ANKRD26: variants seen among roughly 807,000 people sequenced by gnomAD.
The protein encoded by ANKRD26 is ankyrin repeat domain 26.
In ANKRD26, 141 loss-of-function variants were observed where a neutral mutation model predicts 208.7. The ratio of observed to expected loss-of-function variants is 0.68; its 90% CI spans 0.59 to 0.78. ANKRD26 has a LOEUF of 0.78. Among genes scored for constraint, ANKRD26 ranks in the 30% least tolerant of loss-of-function variants. ANKRD26 has a pLI of 0.00. For synonymous variants in ANKRD26, 636 were observed against 660.4 expected, an observed-to-expected ratio of 0.96 and a Z score of 0.57; for missense variants, 1,889 against 1,938.7, an observed-to-expected ratio of 0.97 and a Z score of 0.48.
intron 5 of ANKRD26, among the ~76,000 whole-genome samples, chr10:26,979,074 T>C (rs141867147): frequency 3.6e-4 from 55 of 152,048 alleles, no homozygotes; most frequent in Middle Eastern, 3.4e-3. Flanking sequence ...TACAAAAAAT[T>C]AGCCAGCATG....
chr10:27,038,146 C>A lies in ANKRD26; in HGVS notation c.2376-92G>T, dbSNP rs1397528191. On this transcript the variant is annotated intron_variant, in intron 21 of 33. Coordinates refer to ENST00000376087, the MANE Select transcript of ANKRD26 (RefSeq NM_014915.3). ...GCCGCTTTGTATGTTGGTTTATTAC[C>A]CTAATACAATTTCTATGTTCTTGAA... is the stretch of plus-strand genomic sequence containing the variant. 7.1e-6 allele frequency: 7 copies of A among 986,766 alleles called. No individual in the cohort carries two copies. In the African/African-American group the frequency reaches 1.2e-4, roughly 16 times the overall value. 61.1% of individuals were successfully genotyped at this position (986,766 alleles called of 1,614,324 possible). A position where few individuals can be genotyped will look rare whatever the true frequency, so the allele number is the denominator to read the frequency against.
downstream of ANKRD26, among the ~76,000 whole-genome samples, chr10:26,999,551 G>C (rs2052672060): frequency 6.6e-6 from 1 of 152,062 alleles, no homozygotes; most frequent in African/African-American, 2.4e-5. Flanking sequence ...GGAGGGGTCA[G>C]CTCCTTATAT....
At chr10:26,953,397 T>A in the ANKRD26 span, among the ~76,000 whole-genome samples, 9 of 152,290 alleles carry the variant, frequency 5.9e-5, no homozygotes, top group South Asian at 1.5e-3. Context: ...GTGCCACTGC[T>A]CTCCAGTGTG....
chr10:27,045,543 T>C (rs1220596639), intron 18 of ANKRD26, among the ~76,000 whole-genome samples: 1 of 152,124 alleles, frequency 6.6e-6, no homozygotes, highest in African/African-American at 2.4e-5. Context: ...CTGTGATAGA[T>C]TGTCAATAGT....
chr10:26,965,053 G>A, the ANKRD26 span, among the ~76,000 whole-genome samples: 1 of 152,052 alleles, frequency 6.6e-6, no homozygotes, highest in Non-Finnish European at 1.5e-5. Context: ...CTTGGGTCAG[G>A]GACAAGGTAA....
Position 27,066,558 on chromosome 10 carries a change from G to T in ANKRD26, c.1208-10C>A. ...AATGCGGACATCATATCTATCAAAT[G>T]TGATACACAGATATATTCATGAGAA... is the stretch of plus-strand genomic sequence containing the variant. On this transcript the variant is annotated splice_polypyrimidine_tract_variant and intron_variant, in intron 10 of 33. Transcript: ENST00000376087. 1.9e-6 allele frequency: 3 copies of T among 1,563,070 alleles called. No individual in the cohort carries two copies. In the South Asian group the frequency reaches 3.4e-5, roughly 18 times the overall value.
At position 27,028,585 on chromosome 10, in the gene ANKRD26, C is replaced by CAAAAAAAAAAAAAAAAAAA. The variant is rs11294303; in HGVS notation, c.3972+248_3972+266dup. ...TGGGCGACAGAGTGAGACTCCATCTCAAAAAAAAAAAAAAAAAAAAATTAC... is the reference window on the plus strand; with the variant it reads ...TGGGCGACAGAGTGAGACTCCATCTCAAAAAAAAAAAAAAAAAAAAAAAAAAAAAAAAAAAAAAAATTAC... On this transcript the variant is annotated intron_variant, in intron 27 of 33. Coordinates refer to ENST00000376087, the MANE Select transcript of ANKRD26 (RefSeq NM_014915.3). 2.9e-3 allele frequency among the ~76,000 whole-genome samples: 218 copies of CAAAAAAAAAAAAAAAAAAA among 76,046 alleles called. 5 individuals carry two copies. Among genetic ancestry groups the CAAAAAAAAAAAAAAAAAAA allele is most frequent in the African/African-American group, 0.012 (199 of 17,130 alleles). The allele number at this position is 76,046 out of a possible 152,430, so 49.9% of individuals were successfully genotyped here. A position where few individuals can be genotyped will look rare whatever the true frequency, so the allele number is the denominator to read the frequency against.
chr10:27,071,308 G>T (rs1445865404), intron 9 of ANKRD26, among the ~76,000 whole-genome samples: 4 of 150,746 alleles, frequency 2.7e-5, no homozygotes, highest in African/African-American at 9.7e-5. Context: ...TGGGACTACA[G>T]GCGCCCGCCA....
chr10:26,974,826 C>T (rs965265379), exon 6 of ANKRD26, among the ~76,000 whole-genome samples: 2 of 152,188 alleles, frequency 1.3e-5, no homozygotes, highest in African/African-American at 2.4e-5. Context: ...CTGAAGATAT[C>T]GTTCCACTTC....
At chr10:26,952,561 T>C in the ANKRD26 span, among the ~76,000 whole-genome samples, 14 of 152,152 alleles carry the variant, frequency 9.2e-5, no homozygotes, top group African/African-American at 3.4e-4. Context: ...ATAAAACTGA[T>C]ACTGATTGAA....
chr10:27,042,114 T>A (rs867614749), intron 20 of ANKRD26, among the ~76,000 whole-genome samples: 41 of 150,556 alleles, frequency 2.7e-4, no homozygotes, highest in African/African-American at 9.7e-4. Flanking sequence ...TGTAGATCAA[T>A]GGAACACAAC....
At chr10:26,987,400 T>C (rs147759102), downstream of ANKRD26, among the ~76,000 whole-genome samples, 205 of 152,364 alleles carry the variant, frequency 1.3e-3, 1 homozygote, top group African/African-American at 4.8e-3. Context: ...CTGCACGTTA[T>C]GCACATGTAC....
rs370781900 is a variant in ANKRD26 at position 27,100,208 on chromosome 10, T to C, written c.119A>G (p.Tyr40Cys). 6.2e-7 allele frequency: 1 copy of C among 1,613,628 alleles called. No homozygotes were observed. Among genetic ancestry groups the C allele is most frequent in the South Asian group, 1.1e-5 (1 of 91,088 alleles). Residue 40 changes from tyrosine (Y) to cysteine (C), a missense_variant, in exon 1 of 34, where the codon TAC becomes TGC. Tyr to Cys is a radical substitution (Grantham distance 194). This residue lies in a region of ANKRD26 where 1,272 missense variants were observed against 1,273.8 expected (regional missense o/e 1.00). Transcript: ENST00000376087. Reference protein sequence around the residue: ...PGEGAYSQPGYHVRDRDLGKI... With the variant: ...PGEGAYSQPGCHVRDRDLGKI... The stretch of plus-strand genomic sequence containing the variant: ...GCCGAGATCTCGGTCTCGGACGTGG[T>C]AGCCGGGCTGCGAGTAGGCGCCCTC...
the ANKRD26 span, among the ~76,000 whole-genome samples, chr10:26,955,244 C>G: frequency 1.3e-5 from 2 of 151,932 alleles, no homozygotes; most frequent in African/African-American, 4.8e-5. Flanking sequence ...GCCTGACCAA[C>G]ATGGTGAAAC....
the ANKRD26 span, among the ~76,000 whole-genome samples, chr10:26,954,665 G>T: frequency 6.6e-6 from 1 of 151,968 alleles, no homozygotes; most frequent in African/African-American, 2.4e-5. Flanking sequence ...TCTTATAGTT[G>T]TATTAATACA....
intron 4 of ANKRD26, among the ~76,000 whole-genome samples, chr10:26,997,836 C>T (rs1263494925): frequency 6.6e-6 from 1 of 152,194 alleles, no homozygotes; most frequent in Non-Finnish European, 1.5e-5. Context: ...CCCACATCCT[C>T]ACCACTTGTT....
intron 9 of ANKRD26, 53 bp downstream of exon 9, chr10:27,077,285 T>G: frequency 2.1e-6 from 3 of 1,413,402 alleles, no homozygotes; most frequent in Non-Finnish European, 3.0e-6. Context: ...ATTATGAGGA[T>G]TGTTGGGGCA....
intron 4 of ANKRD26, among the ~76,000 whole-genome samples, chr10:27,090,549 T>A (rs927691260): frequency 5.3e-5 from 8 of 152,152 alleles, no homozygotes; most frequent in Non-Finnish European, 1.0e-4. Flanking sequence ...CATAAGCATC[T>A]TGGGTGCTCA....
intron 1 of ANKRD26, 94 bp downstream of exon 1, chr10:27,099,991 C>T (rs2056594439): frequency 1.3e-6 from 2 of 1,593,180 alleles, no homozygotes. Context: ...CCGCGGGAGG[C>T]TGATCCAGGC....
Sources: gnomAD v4.1 joint callset for allele counts (sites outside exome capture counted in the v4.1 genomes callset) on GRCh38, gnomAD v4.1.1 for gene constraint, gnomAD v4.1.1 regional missense constraint, MANE v1.5 for transcripts, NCBI Gene and HGNC (gene_info 2026-07-23, HGNC 2026-07-21) for gene names.